PRPS2: variants seen among roughly 807,000 people sequenced by gnomAD.
The protein encoded by PRPS2 is ribose-phosphate pyrophosphokinase 2.
For missense variants in PRPS2, 104 were observed against 271.5 expected (o/e 0.38, Z 4.34); for synonymous variants, 111 against 115.3 (o/e 0.96, Z 0.24).
rs200999633 is a variant in PRPS2, at chrX:12,809,596, C to CAG, written c.405+265_405+266dup. Among the ~76,000 whole-genome samples, 831 of 112,041 alleles carry CAG rather than the reference C, an allele frequency of 7.4e-3. 9 individuals carry two copies. The highest frequency in any genetic ancestry group is 0.025 in the African/African-American group (777 of 30,840). The stretch of plus-strand genomic sequence containing the variant: ...AGCTTATGGAAAATAATTAGAACGG[C>CAG]AGTCATAATGTACACTTTTTAACTT... On this transcript the variant is annotated intron_variant, in intron 3 of 6. Transcript: ENST00000380668.
intron 1 of PRPS2, among the ~76,000 whole-genome samples, chrX:12,795,475 A>T (rs1299367404): frequency 8.9e-6 from 1 of 111,805 alleles, no homozygotes; most frequent in East Asian, 2.8e-4. Flanking sequence ...CTAATTTATA[A>T]ACAATAGAAA....
intron 2 of PRPS2, among the ~76,000 whole-genome samples, chrX:12,800,179 G>A (rs1462707333): frequency 1.8e-5 from 2 of 111,913 alleles, no homozygotes; most frequent in African/African-American, 6.5e-5. Context: ...AGGCCCAGAA[G>A]TGTGAAATCA....
At chrX:12,794,772 C>T (rs1189160608) in intron 1 of PRPS2, among the ~76,000 whole-genome samples, 2 of 111,670 alleles carry the variant, frequency 1.8e-5, no homozygotes, top group Non-Finnish European at 3.8e-5. Context: ...TCTGTCCTCC[C>T]CTGGACTGCT....
intron 2 of PRPS2, among the ~76,000 whole-genome samples, chrX:12,801,829 G>A (rs2042571955): frequency 8.9e-6 from 1 of 112,042 alleles, no homozygotes; most frequent in South Asian, 3.7e-4. Context: ...GGCTGGTCTC[G>A]AACTCCTGAC....
intron 1 of PRPS2, among the ~76,000 whole-genome samples, chrX:12,794,608 T>C (rs1195769488): frequency 8.9e-6 from 1 of 112,055 alleles, no homozygotes; most frequent in Non-Finnish European, 1.9e-5. Context: ...CGTTTTTATT[T>C]GGGGGTCAAT....
At chrX:12,798,484 G>A (rs1166046426) in intron 1 of PRPS2, among the ~76,000 whole-genome samples, 1 of 107,606 alleles carries the variant, frequency 9.3e-6, no homozygotes, top group African/African-American at 3.4e-5. Context: ...AGACTTGAAG[G>A]AAAGTATCCA....
At chrX:12,798,229 TAC>T (rs1478283459) in intron 1 of PRPS2, among the ~76,000 whole-genome samples, 1 of 112,355 alleles carries the variant, frequency 8.9e-6, no homozygotes, top group African/African-American at 3.2e-5. Flanking sequence ...AAAAAGAAAA[TAC>T]AAGCATTCGT....
At chrX:12,792,230 T>C (rs2042523316) in intron 1 of PRPS2, among the ~76,000 whole-genome samples, 1 of 112,368 alleles carries the variant, frequency 8.9e-6, no homozygotes, top group Admixed American at 9.3e-5. Flanking sequence ...CAAGCTTCCC[T>C]GGCTTCTCCT....
intron 2 of PRPS2, among the ~76,000 whole-genome samples, chrX:12,800,639 G>T (rs767452397): frequency 9.0e-6 from 1 of 111,654 alleles, no homozygotes; most frequent in South Asian, 3.8e-4. Context: ...TGGTAACTCA[G>T]TGCAAGAAAG....
chrX:12,805,547 G>A (rs2042589162), intron 2 of PRPS2, among the ~76,000 whole-genome samples: 1 of 112,160 alleles, frequency 8.9e-6, no homozygotes, highest in South Asian at 3.7e-4. Context: ...GTGCGGCTGT[G>A]TTCCAGTAAA....
chrX:12,803,657 T>C (rs1437091680), intron 2 of PRPS2, among the ~76,000 whole-genome samples: 3 of 112,061 alleles, frequency 2.7e-5, no homozygotes, highest in African/African-American at 9.8e-5. Context: ...CAGGATAATC[T>C]CCCCATCTCA....
intron 1 of PRPS2, among the ~76,000 whole-genome samples, chrX:12,792,962 C>G (rs4118335): frequency 0.2 from 21,923 of 111,146 alleles, 1,763 homozygotes; most frequent in Middle Eastern, 0.26. Context: ...GTTATGGCTC[C>G]GATGATAATA....
intron 4 of PRPS2, among the ~76,000 whole-genome samples, chrX:12,812,459 T>C (rs1482752083): frequency 4.5e-5 from 5 of 111,025 alleles, no homozygotes; most frequent in Non-Finnish European, 7.6e-5. Context: ...AAACCCCGTC[T>C]CTGCTGAAAA....
chrX:12,792,966 G>A (rs1261682611), intron 1 of PRPS2, among the ~76,000 whole-genome samples: 1 of 112,148 alleles, frequency 8.9e-6, no homozygotes, highest in Non-Finnish European at 1.9e-5. Flanking sequence ...TGGCTCCGAT[G>A]ATAATATAAG....
chrX:12,792,764 T>A (rs2042526012), intron 1 of PRPS2, among the ~76,000 whole-genome samples: 1 of 112,752 alleles, frequency 8.9e-6, no homozygotes, highest in South Asian at 3.6e-4. Context: ...AACTTTGAAG[T>A]GGATCATAGA....
chrX:12,822,927 T>A lies in PRPS2; in HGVS notation c.*131T>A. On this transcript the variant is annotated 3_prime_UTR_variant, in exon 7 of 7. Transcript: ENST00000380668. ...AAAAGCATCAGATCTTTGTATATGC[T>A]AAGATTTATTGTTTCCCCTTCTAAA... 1 of 484,600 alleles carries A rather than the reference T, an allele frequency of 2.1e-6. No individual in the cohort carries two copies. The highest frequency in any genetic ancestry group is 3.5e-6 in the Non-Finnish European group (1 of 282,137). The allele number at this position is 484,600 out of a possible 1,213,427, so 39.9% of individuals were successfully genotyped here. A position where few individuals can be genotyped will look rare whatever the true frequency, so the allele number is the denominator to read the frequency against.
chrX:12,812,291 G>A (rs1280612557), intron 4 of PRPS2, among the ~76,000 whole-genome samples: 1 of 112,016 alleles, frequency 8.9e-6, no homozygotes, highest in Admixed American at 9.5e-5. Flanking sequence ...AGCGTCAGAT[G>A]TAACTGGGTT....
At chrX:12,813,780 C>T (rs982423657) in intron 4 of PRPS2, among the ~76,000 whole-genome samples, 1 of 111,846 alleles carries the variant, frequency 8.9e-6, no homozygotes, top group African/African-American at 3.3e-5. Context: ...TTTGCATAGA[C>T]GAGATCACAG....
chrX:12,811,827 C>A (rs2042625494), intron 4 of PRPS2, among the ~76,000 whole-genome samples: 1 of 112,290 alleles, frequency 8.9e-6, no homozygotes, highest in South Asian at 3.7e-4. Flanking sequence ...CTTGTTCATT[C>A]TGCTCAAAGC....
Sources: allele counts gnomAD v4.1 joint callset (sites outside exome capture counted in the v4.1 genomes callset), GRCh38; gene constraint gnomAD v4.1.1; transcripts MANE v1.5; gene names NCBI Gene and HGNC (gene_info 2026-07-23, HGNC 2026-07-21).